The following MRPL10 variants were observed in gnomAD, a reference collection of about 807,000 sequenced individuals.
MRPL10 encodes large ribosomal subunit protein uL10m.
MRPL10 carries 14 observed loss-of-function variants against 19.8 expected under a neutral mutation model. The ratio of observed to expected loss-of-function variants is 0.71; its 90% CI spans 0.47 to 1.11. The LOEUF is 1.11. MRPL10 is among the 50% of genes least tolerant of loss of function. MRPL10 has a pLI of 0.00. For synonymous variants in MRPL10, 129 were observed against 139.2 expected (o/e 0.93, Z 0.52); for missense variants, 318 against 339.6 (o/e 0.94, Z 0.50).
chr17:47,826,502 T>C (rs888789355), intron 4 of MRPL10, 135 bp downstream of exon 4: 3 of 1,089,612 alleles, frequency 2.8e-6, no homozygotes, highest in Admixed American at 4.5e-5. Context: ...CCTCAATAAA[T>C]GTGCTGTTTA....
At chr17:47,824,645 C>T (rs2033500621) in intron 4 of MRPL10, among the ~76,000 whole-genome samples, 187 bp from the exon 5 acceptor site, 2 of 152,144 alleles carry the variant, frequency 1.3e-5, no homozygotes, top group South Asian at 4.1e-4. Flanking sequence ...CTTCACTCTT[C>T]CCTCAGAAAA....
chr17:47,827,002 G>C, intron 3 of MRPL10, 38 bp downstream of exon 3: 1 of 1,577,338 alleles, frequency 6.3e-7, no homozygotes, highest in South Asian at 1.2e-5. Flanking sequence ...GGGGTGGGGG[G>C]AAGATGGGCA....
chr17:47,825,867 C>T (rs575201381), intron 4 of MRPL10, among the ~76,000 whole-genome samples: 2 of 151,826 alleles, frequency 1.3e-5, no homozygotes, highest in African/African-American at 2.4e-5. Context: ...TCACCAGGAG[C>T]GGTGGCTCAT....
chr17:47,825,749 C>T (rs577991145), intron 4 of MRPL10, among the ~76,000 whole-genome samples: 2 of 152,110 alleles, frequency 1.3e-5, no homozygotes, highest in Non-Finnish European at 2.9e-5. Flanking sequence ...GTACTTAACA[C>T]GGAACTGTAC....
intron 4 of MRPL10, 144 bp from the exon 5 acceptor site, chr17:47,824,602 C>T: frequency 1.2e-6 from 1 of 859,748 alleles, no homozygotes; most frequent in East Asian, 2.9e-5. Context: ...TGCCCCACAC[C>T]ACACCCACTC....
Position 47,827,025 on chromosome 17 carries a change from G to A in MRPL10, c.387+15C>T. 1 of 1,597,914 alleles carries A rather than the reference G, an allele frequency of 6.3e-7. No homozygotes were observed. Among genetic ancestry groups the A allele is most frequent in the African/African-American group, 1.3e-5 (1 of 74,444 alleles). ...GGGAAGATGGGCAACCCATGCCAAG[G>A]GGCCTGCTCCCTACCTGGTTGGGGA... On this transcript the variant is annotated intron_variant, in intron 3 of 4. Transcript: ENST00000351111.
intron 1 of MRPL10, among the ~76,000 whole-genome samples, chr17:47,829,884 A>C (rs2033597663): frequency 1.3e-5 from 2 of 148,698 alleles, no homozygotes; most frequent in South Asian, 2.2e-4. Context: ...GTGACAGAGC[A>C]AGACTGTCTC....
chr17:47,827,689 G>C (rs1014568497), intron 2 of MRPL10, among the ~76,000 whole-genome samples: 2 of 151,818 alleles, frequency 1.3e-5, no homozygotes, highest in Admixed American at 1.3e-4. Context: ...TTGAGGTCAG[G>C]AGTTCGAGAC....
Position 47,831,499 on chromosome 17 carries a change from C to T in MRPL10, c.13G>A (p.Val5Met), listed in dbSNP as rs1276775729. MAAAVAGMLRGGLLP... is the reference protein window; with the variant it reads MAAAMAGMLRGGLLP... The stretch of plus-strand genomic sequence containing the variant: ...AGACCCCCTCGCAGCATCCCCGCCA[C>T]GGCCGCAGCCATCTCCACCGGAAGA... The change falls in exon 1 of 5, where the codon GTG becomes ATG. Residue 5 changes from valine (V) to methionine (M), a missense_variant. By Grantham distance (21) the Val-to-Met change is conservative (BLOSUM62 1). Transcript: ENST00000351111. 3 of 1,549,944 alleles carry T rather than the reference C, an allele frequency of 1.9e-6. No individual in the cohort carries two copies. The highest frequency in any genetic ancestry group is 2.0e-5 in the Admixed American group (1 of 50,924).
At chr17:47,824,694 C>G (rs1054564711) in intron 4 of MRPL10, among the ~76,000 whole-genome samples, 2 of 152,144 alleles carry the variant, frequency 1.3e-5, no homozygotes, top group African/African-American at 4.8e-5. Context: ...CCTATTAAGT[C>G]AGTGTTTCCT....
At chr17:47,827,591 T>C (rs1435122308) in intron 2 of MRPL10, among the ~76,000 whole-genome samples, 1 of 152,118 alleles carries the variant, frequency 6.6e-6, no homozygotes, top group African/African-American at 2.4e-5. Flanking sequence ...TCTTTTGCAG[T>C]GTTAGTTTAA....
intron 4 of MRPL10, 60 bp downstream of exon 4, chr17:47,826,577 T>G: frequency 1.9e-6 from 3 of 1,599,302 alleles, no homozygotes; most frequent in Non-Finnish European, 2.6e-6. Flanking sequence ...AAGACAAGCC[T>G]AGCAGATGGC....
rs148837772 is a variant in MRPL10, at chr17:47,826,299, C to A, written c.532+338G>T. 5.4e-3 allele frequency among the ~76,000 whole-genome samples: 814 copies of A among 152,138 alleles called. 5 individuals are homozygous for A. Among genetic ancestry groups the A allele is most frequent in the Middle Eastern group, 0.01 (3 of 294 alleles). On this transcript the variant is annotated intron_variant, in intron 4 of 4. Coordinates refer to ENST00000351111, the MANE Select transcript of MRPL10 (RefSeq NM_145255.4). The stretch of plus-strand genomic sequence containing the variant: ...CTGGGAAACACTGGTCACTGGCCCT[C>A]GGCACCCTTTACTTGGGCTACTTGT...
chr17:47,827,894 CAAAA>C (rs60303077), intron 2 of MRPL10, among the ~76,000 whole-genome samples: 3 of 45,716 alleles, frequency 6.6e-5, no homozygotes, highest in African/African-American at 3.0e-4. Context: ...CTCTGTCTCA[CAAAA>C]AAAAAAAAAA....
intron 2 of MRPL10, among the ~76,000 whole-genome samples, chr17:47,827,878 CAG>C (rs1473750566): frequency 1.2e-4 from 12 of 101,372 alleles, no homozygotes; most frequent in Non-Finnish European, 2.0e-4. Flanking sequence ...ACCTGGGTGA[CAG>C]AGACTCTGTC....
intron 4 of MRPL10, among the ~76,000 whole-genome samples, chr17:47,825,054 T>TACGGTG (rs1482932343): frequency 2.2e-5 from 3 of 138,998 alleles, no homozygotes; most frequent in Admixed American, 1.5e-4. Flanking sequence ...TGAGGTTGGG[T>TACGGTG]ACGGTGGCTC....
chr17:47,827,299 G>T, intron 2 of MRPL10, 95 bp from the exon 3 acceptor site: 1 of 1,058,682 alleles, frequency 9.4e-7, no homozygotes, highest in Non-Finnish European at 1.4e-6. Flanking sequence ...TTCCAGTGAT[G>T]TCCAGATGTG....
chr17:47,829,866 C>T (rs1488447098), intron 1 of MRPL10, among the ~76,000 whole-genome samples: 1 of 150,250 alleles, frequency 6.7e-6, no homozygotes, highest in African/African-American at 2.4e-5. Context: ...TCCGGCACTC[C>T]GGCCTGGGTG....
At chr17:47,828,219 G>T (rs1425039352) in intron 2 of MRPL10, 4 of 236,640 alleles carry the variant, frequency 1.7e-5, no homozygotes, top group Non-Finnish European at 1.6e-5. Flanking sequence ...AAAAAAAAAA[G>T]ATTGGAGAGA....
Sources: allele counts gnomAD v4.1 joint callset (sites outside exome capture counted in the v4.1 genomes callset), GRCh38; gene constraint gnomAD v4.1.1; transcripts MANE v1.5; gene names NCBI Gene and HGNC (gene_info 2026-07-23, HGNC 2026-07-21).